Variants in TMEM59L observed in about 807,000 individuals in gnomAD.
TMEM59L encodes the protein transmembrane protein 59-like.
Under a neutral mutation model 39.6 loss-of-function variants are expected in TMEM59L, and 31 were observed. The observed-to-expected ratio is 0.78, with a 90% CI of 0.59 to 1.06. TMEM59L has a LOEUF of 1.06. Ranked by LOEUF, TMEM59L falls within the 50% of genes least tolerant of loss-of-function variation. The pLI is 0.00. For missense variants in TMEM59L, 441 were observed against 451.3 expected (o/e 0.98, Z 0.21); for synonymous variants, 219 against 202.9 (o/e 1.08, Z -0.68).
intron 5 of TMEM59L, chr19:18,617,724 G>A: frequency 4.6e-6 from 2 of 432,186 alleles, no homozygotes; most frequent in Non-Finnish European, 9.1e-6. Flanking sequence ...ATCTCCCAGG[G>A]TTCCATGGTC....
rs1361043360 is a variant in TMEM59L at position 18,618,179 on chromosome 19, T to G, written c.689T>G (p.Val230Gly). 1 of 1,612,866 alleles carries G rather than the reference T, an allele frequency of 6.2e-7. No individual in the cohort carries two copies. The highest frequency in any genetic ancestry group is 2.2e-5 in the East Asian group (1 of 44,824). Residue 230 changes from valine to glycine, a missense_variant, in exon 6 of 8, where the codon GTG (valine) becomes GGG (glycine). Val to Gly is a moderately radical substitution (Grantham distance 109). Transcript: ENST00000262817. ...HVDPVGPLDKVRKAKIRVKTS... is the reference protein window; with the variant it reads ...HVDPVGPLDKGRKAKIRVKTS... Reference sequence around the variant, plus strand: ...GACCCTGTAGGCCCCCTGGACAAGGTGAGGAAGGCCAAGATCCGAGTCAAG... The same window carrying G: ...GACCCTGTAGGCCCCCTGGACAAGGGGAGGAAGGCCAAGATCCGAGTCAAG...
In TMEM59L at chr19:18,620,396, C is replaced by G; in HGVS notation, c.901-12C>G. The G allele has an allele frequency of 2.5e-6, 4 of 1,603,642 alleles. No homozygotes were observed. The highest frequency in any genetic ancestry group is 3.4e-6 in the Non-Finnish European group (4 of 1,173,496). ...CGTCCCTCCACTTCCCTCCTCCCCTCTCTTCCTGCAGCCTCTGACCCTGGA... is the reference window on the plus strand; with the variant it reads ...CGTCCCTCCACTTCCCTCCTCCCCTGTCTTCCTGCAGCCTCTGACCCTGGA... On this transcript the variant is annotated splice_polypyrimidine_tract_variant and intron_variant, in intron 7 of 7. Transcript: ENST00000262817.
At chr19:18,618,698 A>AT (rs1278257591) in intron 7 of TMEM59L, among the ~76,000 whole-genome samples, 10 of 107,378 alleles carry the variant, frequency 9.3e-5, no homozygotes, top group Non-Finnish European at 8.5e-5. Context: ...TAATATATAT[A>AT]TATATATTTT....
chr19:18,616,385 T>TG (rs374910429), intron 4 of TMEM59L, among the ~76,000 whole-genome samples: 39 of 44,996 alleles, frequency 8.7e-4, no homozygotes, highest in African/African-American at 2.7e-3. Context: ...CTGTGGTTTT[T>TG]TTTTGTTGTT....
At chr19:18,614,658 T>C (rs990896681) in intron 3 of TMEM59L, among the ~76,000 whole-genome samples, 4 of 152,208 alleles carry the variant, frequency 2.6e-5, no homozygotes, top group African/African-American at 9.6e-5. Flanking sequence ...TCTAAGCCCT[T>C]CCCCTGTGAT....
At chr19:18,614,504 C>A (rs1010529447) in intron 3 of TMEM59L, among the ~76,000 whole-genome samples, 1 of 152,232 alleles carries the variant, frequency 6.6e-6, no homozygotes, top group South Asian at 2.1e-4. Context: ...GCACAAAGGA[C>A]AATGTCACCC....
chr19:18,613,854 T>G lies in TMEM59L; in HGVS notation c.172-18T>G. 7.7e-7 allele frequency: 1 copy of G among 1,304,978 alleles called. No individual in the cohort carries two copies. Among genetic ancestry groups the G allele is most frequent in the African/African-American group, 1.5e-5 (1 of 65,098 alleles). The allele number at this position is 1,304,978 out of a possible 1,614,324, so 80.8% of individuals were successfully genotyped here. The stretch of plus-strand genomic sequence containing the variant: ...GCCCCTCCCCATGGCCTGAGCCCCC[T>G]GTCCTCCCCTCCCCCAGGCGGGGCT... On this transcript the variant is annotated intron_variant, in intron 1 of 7. Transcript: ENST00000262817.
intron 1 of TMEM59L, 130 bp from the exon 2 acceptor site, chr19:18,613,742 T>A (rs1976395862): frequency 2.9e-6 from 2 of 700,102 alleles, no homozygotes; most frequent in Non-Finnish European, 4.7e-6. Context: ...CTCTCCCAAC[T>A]TCATCTCCAT....
intron 1 of TMEM59L, among the ~76,000 whole-genome samples, chr19:18,613,438 C>A (rs1235786564): frequency 2.0e-5 from 3 of 151,888 alleles, no homozygotes; most frequent in Non-Finnish European, 2.9e-5. Context: ...TGATGGTCCC[C>A]CCACCTCATT....
chr19:18,617,029 C>T lies in TMEM59L; in HGVS notation c.591C>T (p.Phe197=), dbSNP rs1339088778. Residue 197 remains phenylalanine, a synonymous_variant, in exon 5 of 8, where the codon TTC becomes TTT. Transcript: ENST00000262817. ...QTQPIVESLG[F]QGGRLQRVEV... is the part of the protein sequence containing the mutation. ...AGCCCATAGTGGAGAGCCTCGGCTTCCAGGGGGGCCGTCTGCAGCGCGTGG... is the reference window on the plus strand; with the variant it reads ...AGCCCATAGTGGAGAGCCTCGGCTTTCAGGGGGGCCGTCTGCAGCGCGTGG... 1 of 1,612,640 alleles carries T rather than the reference C, an allele frequency of 6.2e-7. No homozygotes were observed.
At chr19:18,618,588 A>C (rs1976457911) in intron 7 of TMEM59L, 96 bp downstream of exon 7, 1 of 1,089,768 alleles carries the variant, frequency 9.2e-7, no homozygotes. Flanking sequence ...GCTCCCATGG[A>C]GGCCAGGACC....
chr19:18,614,979 C>CTTAT (rs1411627339), intron 3 of TMEM59L, among the ~76,000 whole-genome samples: 1 of 152,092 alleles, frequency 6.6e-6, no homozygotes, highest in African/African-American at 2.4e-5. Context: ...AGAGCTCCCT[C>CTTAT]TTATTTATTT....
chr19:18,618,579 C>G, intron 7 of TMEM59L, 87 bp downstream of exon 7: 2 of 1,271,340 alleles, frequency 1.6e-6, no homozygotes, highest in Non-Finnish European at 2.2e-6. Flanking sequence ...TGGCCACCTG[C>G]TCCCATGGAG....
rs1292566927 is a variant in TMEM59L at position 18,617,022 on chromosome 19, T to C, written c.584T>C (p.Leu195Pro). The C allele has an allele frequency of 1.4e-5, 23 of 1,612,132 alleles. No homozygotes were observed. Among genetic ancestry groups the C allele is most frequent in the Non-Finnish European group, 1.9e-5 (22 of 1,179,336 alleles). ...CAGACTCAGCCCATAGTGGAGAGCC[T>C]CGGCTTCCAGGGGGGCCGTCTGCAG... The part of the protein sequence containing the change: ...VFQTQPIVES[L>P]GFQGGRLQRV... The change falls in exon 5 of 8, where the codon CTC becomes CCC. Residue 195 changes from leucine (L) to proline (P), a missense_variant. Transcript: ENST00000262817.
At chr19:18,620,385 C>T (rs1449248474) in intron 7 of TMEM59L, 23 bp from the exon 8 acceptor site, 4 of 1,594,268 alleles carry the variant, frequency 2.5e-6, no homozygotes, top group African/African-American at 1.3e-5. Context: ...CCTCCACTTC[C>T]CTCCTCCCCT....
At chr19:18,617,679 G>C (rs1976446247) in intron 5 of TMEM59L, 1 of 453,212 alleles carries the variant, frequency 2.2e-6, no homozygotes, top group Non-Finnish European at 4.4e-6. Context: ...CATCTCCCAG[G>C]GTTCTGTGGC....
intron 3 of TMEM59L, 43 bp from the exon 4 acceptor site, chr19:18,615,932 C>T: frequency 6.2e-7 from 1 of 1,602,566 alleles, no homozygotes; most frequent in Non-Finnish European, 8.5e-7. Context: ...GGTTAATGCC[C>T]TATTTCGGTG....
intron 1 of TMEM59L, among the ~76,000 whole-genome samples, chr19:18,613,635 A>C (rs1042143304): frequency 1.3e-5 from 2 of 151,894 alleles, no homozygotes; most frequent in African/African-American, 4.8e-5. Flanking sequence ...AGTGGGGGGA[A>C]GGCTCATTTC....
chr19:18,613,892 C>T lies in TMEM59L; in HGVS notation c.192C>T (p.Ser64=), dbSNP rs751979743. 5 of 1,612,236 alleles carry T rather than the reference C, an allele frequency of 3.1e-6. No individual in the cohort carries two copies. The South Asian group carries it at 3.3e-5, about 11-fold the overall frequency. Residue 64 remains serine, a synonymous_variant, in exon 2 of 8, where the codon TCC becomes TCT. Transcript: ENST00000262817. ...QPSQAGLEGA[S]ESPYDRAVLI... is the part of the protein sequence containing the mutation. ...CCCAGGCGGGGCTGGAGGGCGCCTC[C>T]GAGTCTCCCTATGACAGAGCCGTTC...
Sources: gnomAD v4.1 joint callset for allele counts (sites outside exome capture counted in the v4.1 genomes callset) on GRCh38, gnomAD v4.1.1 for gene constraint, MANE v1.5 for transcripts, NCBI Gene and HGNC (gene_info 2026-07-23, HGNC 2026-07-21) for gene names.